Variants in NF1 observed in about 807,000 individuals in gnomAD.
NF1 encodes the protein neurofibromin.
NF1 carries 122 observed loss-of-function variants against 325.7 expected under a neutral mutation model. That is an observed-to-expected ratio of 0.37 (90% CI 0.32 to 0.44). The LOEUF is 0.44. NF1 is among the 20% of genes least tolerant of loss of function. The pLI, the probability that NF1 is intolerant of heterozygous loss-of-function variation, is 1.00. For missense variants in NF1, 2,140 were observed against 3,415.4 expected, an observed-to-expected ratio of 0.63 and a Z score of 9.31; for synonymous variants, 1,091 against 1,186.0, an observed-to-expected ratio of 0.92 and a Z score of 1.65.
At chr17:31,139,692 G>T (rs1916074292) in intron 1 of NF1, among the ~76,000 whole-genome samples, 1 of 152,142 alleles carries the variant, frequency 6.6e-6, no homozygotes, top group Non-Finnish European at 1.5e-5. Flanking sequence ...GTGGTTGGTT[G>T]CCTGGGAAGA....
At chr17:31,119,352 A>G (rs565724110) in intron 1 of NF1, among the ~76,000 whole-genome samples, 15 of 151,612 alleles carry the variant, frequency 9.9e-5, no homozygotes, top group African/African-American at 3.4e-4. Flanking sequence ...TTTGATTTGC[A>G]TTTCTCTAAT....
intron 12 of NF1, among the ~76,000 whole-genome samples, chr17:31,213,897 G>A (rs746940199): frequency 3.3e-5 from 5 of 152,140 alleles, no homozygotes; most frequent in East Asian, 1.9e-4. Flanking sequence ...ATTCTAAGAA[G>A]CACTTATTTT....
intron 36 of NF1, among the ~76,000 whole-genome samples, chr17:31,266,666 T>C (rs17883299): frequency 0.023 from 3,511 of 152,188 alleles, 129 homozygotes; most frequent in African/African-American, 0.078. Context: ...AGGTAGAAGA[T>C]GTGTTTCCCC....
chr17:31,159,244 G>T (rs1480118518), intron 3 of NF1, 151 bp downstream of exon 3: 5 of 600,844 alleles, frequency 8.3e-6, no homozygotes, highest in Non-Finnish European at 3.0e-6. Context: ...TAGCTGACCT[G>T]GTGACAGACA....
At chr17:31,156,641 A>G (rs189244352) in intron 2 of NF1, among the ~76,000 whole-genome samples, 1 of 152,310 alleles carries the variant, frequency 6.6e-6, no homozygotes, top group East Asian at 1.9e-4. Flanking sequence ...CAGATTCTGT[A>G]GTAGTTACCC....
intron 5 of NF1, among the ~76,000 whole-genome samples, chr17:31,175,868 C>T (rs554143489): frequency 6.6e-6 from 1 of 152,330 alleles, no homozygotes; most frequent in African/African-American, 2.4e-5. Flanking sequence ...TTTTCTATGT[C>T]AGCATAGTAT....
At chr17:31,286,582 G>C (rs4795593) in intron 36 of NF1, among the ~76,000 whole-genome samples, 65,599 of 151,968 alleles carry the variant, frequency 0.43, 16,520 homozygotes, top group African/African-American at 0.7. Flanking sequence ...GGAAATTTTA[G>C]CTCCTATAAA....
At chr17:31,162,065 A>C (rs1353513713) in intron 3 of NF1, among the ~76,000 whole-genome samples, 4 of 151,830 alleles carry the variant, frequency 2.6e-5, no homozygotes, top group Non-Finnish European at 5.9e-5. Context: ...AAAGAACGAA[A>C]ATATACAATA....
intron 36 of NF1, among the ~76,000 whole-genome samples, chr17:31,290,510 A>C (rs769794563): frequency 3.3e-5 from 5 of 152,166 alleles, no homozygotes; most frequent in Admixed American, 2.0e-4. Flanking sequence ...TCTTCTCACA[A>C]CAACCCTGTA....
rs9908922 is a variant in NF1 at position 31,339,717 on chromosome 17, G to A, written c.6922-788G>A. ...GATACTATTTGACTCTAAAGTCCAT[G>A]TATTTTCCCTAATATCACAGTGCTA... On this transcript the variant is annotated intron_variant, in intron 46 of 57. Coordinates refer to ENST00000358273, the MANE Select transcript of NF1 (RefSeq NM_001042492.3). 7.2e-3 allele frequency among the ~76,000 whole-genome samples: 1,094 copies of A among 152,268 alleles called. 15 individuals carry two copies. The highest frequency in any genetic ancestry group is 0.025 in the African/African-American group (1,052 of 41,556).
chr17:31,161,417 A>G (rs1366656926), intron 3 of NF1, among the ~76,000 whole-genome samples: 2 of 152,200 alleles, frequency 1.3e-5, no homozygotes, highest in Non-Finnish European at 2.9e-5. Flanking sequence ...GTAGCATACA[A>G]TTGTACACAT....
intron 13 of NF1, among the ~76,000 whole-genome samples, chr17:31,218,574 C>CTTT (rs113325014): frequency 1.3e-5 from 2 of 149,230 alleles, no homozygotes; most frequent in Non-Finnish European, 3.0e-5. Flanking sequence ...TTTCTTTTTT[C>CTTT]TTTTTTTCTT....
chr17:31,314,022 A>C (rs1193093352), intron 36 of NF1: 1 of 398,046 alleles, frequency 2.5e-6, no homozygotes, highest in Non-Finnish European at 4.4e-6. Context: ...TTCTTGTTCT[A>C]ACTGGACATT....
chr17:31,097,091 A>T (rs947064024), intron 1 of NF1, among the ~76,000 whole-genome samples: 13 of 152,216 alleles, frequency 8.5e-5, no homozygotes, highest in Middle Eastern at 3.4e-3. Flanking sequence ...GTTTTTTCTT[A>T]ATTTTATTTT....
intron 29 of NF1, among the ~76,000 whole-genome samples, chr17:31,244,749 C>A (rs2067361988): frequency 6.6e-6 from 1 of 152,130 alleles, no homozygotes; most frequent in Admixed American, 6.5e-5. Context: ...GTGCCTCTTC[C>A]TTAATATGAT....
At chr17:31,200,673 A>C in intron 9 of NF1, 78 bp downstream of exon 9, 1 of 1,490,906 alleles carries the variant, frequency 6.7e-7, no homozygotes, top group African/African-American at 1.4e-5. Context: ...TATGTCAAAG[A>C]TAATTGCTAA....
chr17:31,294,373 G>A (rs2068415832), intron 36 of NF1, among the ~76,000 whole-genome samples: 1 of 152,046 alleles, frequency 6.6e-6, no homozygotes, highest in Non-Finnish European at 1.5e-5. Context: ...TTTTTGAAGA[G>A]CTTTTGTCCA....
intron 3 of NF1, among the ~76,000 whole-genome samples, chr17:31,162,832 A>G (rs1030149963): frequency 7.9e-5 from 12 of 152,356 alleles, no homozygotes; most frequent in South Asian, 4.1e-4. Flanking sequence ...TCATCAATCA[A>G]TATGAATTAA....
rs17885180 is a variant in NF1 at position 31,116,282 on chromosome 17, G to A, written c.60+20913G>A. Among the ~76,000 whole-genome samples the A allele has an allele frequency of 9.5e-3, 1,444 of 152,080 alleles. 24 individuals carry two copies. Among genetic ancestry groups the A allele is most frequent in the African/African-American group, 0.033 (1,360 of 41,468 alleles). Reference sequence around the variant, plus strand: ...TATTTAATTTCATTGAACGTTTTAGGGAAAATGCCTGAATATTAATAGAGA... The same window carrying A: ...TATTTAATTTCATTGAACGTTTTAGAGAAAATGCCTGAATATTAATAGAGA... On this transcript the variant is annotated intron_variant, in intron 1 of 57. Coordinates refer to ENST00000358273, the MANE Select transcript of NF1 (RefSeq NM_001042492.3).
Sources: gnomAD v4.1 joint callset for allele counts (sites outside exome capture counted in the v4.1 genomes callset) on GRCh38, gnomAD v4.1.1 for gene constraint, MANE v1.5 for transcripts, NCBI Gene and HGNC (gene_info 2026-07-23, HGNC 2026-07-21) for gene names.